HEATR5A: variants seen among roughly 807,000 people sequenced by gnomAD.
HEATR5A encodes the protein HEAT repeat containing 5A.
HEATR5A carries 178 observed loss-of-function variants against 218.8 expected under a neutral mutation model. That is an observed-to-expected ratio of 0.81 (90% CI 0.72 to 0.92). The LOEUF is 0.92. HEATR5A is among the 40% of genes least tolerant of loss of function. The pLI is 0.00. For synonymous variants in HEATR5A, 864 were observed against 871.6 expected, an observed-to-expected ratio of 0.99 and a Z score of 0.15; for missense variants, 2,420 against 2,418.9, an observed-to-expected ratio of 1.00 and a Z score of -0.01.
intron 1 of HEATR5A, among the ~76,000 whole-genome samples, chr14:31,407,032 A>G (rs1001929876): frequency 4.9e-4 from 74 of 150,706 alleles, no homozygotes; most frequent in African/African-American, 1.7e-3. Flanking sequence ...GCTCACGCCT[A>G]TAATCCCAGC....
At chr14:31,316,766 C>G (rs1427475604) in intron 26 of HEATR5A, among the ~76,000 whole-genome samples, 1 of 152,158 alleles carries the variant, frequency 6.6e-6, no homozygotes, top group Non-Finnish European at 1.5e-5. Flanking sequence ...CATTACAGCT[C>G]ATGTAGCCTT....
At chr14:31,343,131 G>A (rs1900893183) in intron 21 of HEATR5A, among the ~76,000 whole-genome samples, 1 of 142,808 alleles carries the variant, frequency 7.0e-6, no homozygotes, top group Non-Finnish European at 1.5e-5. Context: ...CACTCTTGTT[G>A]CCCAGGCTGG....
Position 31,347,847 on chromosome 14 carries a change from T to C in HEATR5A, c.2769A>G (p.Leu923=), listed in dbSNP as rs753369167. 9.2e-5 allele frequency: 147 copies of C among 1,593,282 alleles called. No individual in the cohort carries two copies. The highest frequency in any genetic ancestry group is 1.7e-4 in the Middle Eastern group (1 of 6,046). ...RTGHSLALGS[L]HRYLGGISSS... ...AACTTATTCCTCCTAAATACCTATG[T>C]AGGGACCCCAAGGCCAATGAGTGTC... The change falls in exon 19 of 36, where the codon CTA becomes CTG. Residue 923 remains leucine (L), a synonymous_variant. Transcript: ENST00000543095.
intron 33 of HEATR5A, chr14:31,296,769 A>G (rs1002767759): frequency 6.6e-6 from 1 of 152,218 alleles, no homozygotes; most frequent in African/African-American, 2.4e-5. Context: ...TGTTATTCAA[A>G]AAAGAAAGAT....
chr14:31,382,813 T>C (rs1415048037), intron 10 of HEATR5A, among the ~76,000 whole-genome samples: 1 of 150,346 alleles, frequency 6.7e-6, no homozygotes, highest in Non-Finnish European at 1.5e-5. Flanking sequence ...TCATTATTAA[T>C]TTTGATGTAT....
chr14:31,323,893 C>G, intron 23 of HEATR5A, 89 bp from the exon 24 acceptor site: 1 of 851,768 alleles, frequency 1.2e-6, no homozygotes, highest in Non-Finnish European at 1.8e-6. Flanking sequence ...ACTTCAAATT[C>G]AGACTAGAAT....
chr14:31,300,953 A>G (rs533834789), intron 33 of HEATR5A, among the ~76,000 whole-genome samples: 1 of 152,308 alleles, frequency 6.6e-6, no homozygotes, highest in South Asian at 2.1e-4. Flanking sequence ...ATGCAGCGAT[A>G]ATTAAGACAT....
In HEATR5A at chr14:31,314,033, C is replaced by T. The variant is rs537050846; in HGVS notation, c.4219-843G>A. 7.1e-4 allele frequency among the ~76,000 whole-genome samples: 108 copies of T among 152,044 alleles called. 1 individual carries two copies. The highest frequency in any genetic ancestry group is 3.4e-3 in the Middle Eastern group (1 of 294). On this transcript the variant is annotated intron_variant, in intron 27 of 35. Transcript: ENST00000543095. ...TGCCATCTCAGCTCACTGCAACCTC[C>T]GCCTCCCAGGTTCAAGCAATTCTCC...
rs1899072974 is a variant in HEATR5A, at chr14:31,293,218, C to T, written c.*87G>A. 9.9e-7 allele frequency: 1 copy of T among 1,007,584 alleles called. No individual in the cohort carries two copies. The highest frequency in any genetic ancestry group is 2.5e-5 in the Admixed American group (1 of 40,468). The allele number at this position is 1,007,584 out of a possible 1,614,324, so 62.4% of individuals were successfully genotyped here. ...AAACAATCAACTAGACCTCTAAGGG[C>T]ACTTGTGTCTACAATGTCCCTTTTG... On this transcript the variant is annotated 3_prime_UTR_variant, in exon 36 of 36. Coordinates refer to ENST00000543095, the MANE Select transcript of HEATR5A (RefSeq NM_015473.4).
chr14:31,389,942 A>G (rs1295830897), intron 6 of HEATR5A, among the ~76,000 whole-genome samples: 2 of 152,180 alleles, frequency 1.3e-5, no homozygotes, highest in Admixed American at 6.5e-5. Context: ...CCATGCAGAA[A>G]ACAGAGCAAA....
At chr14:31,402,029 T>G (rs925522003) in intron 2 of HEATR5A, among the ~76,000 whole-genome samples, 1 of 152,098 alleles carries the variant, frequency 6.6e-6, no homozygotes, top group Non-Finnish European at 1.5e-5. Context: ...TTTCCCCAAA[T>G]CTAGAAGTTG....
chr14:31,306,817 G>A lies in HEATR5A; in HGVS notation c.4881C>T (p.Ser1627=). ...CCACTTCAAGTGAAGCCAACTGAAT[G>A]GAAGGTGATTCTCTGGTTAAAATTA... is the stretch of plus-strand genomic sequence containing the variant. The part of the protein sequence containing the change: ...HRVILTRESP[S]IQLASLEVVR... The change falls in exon 31 of 36, where the codon TCC becomes TCT. Residue 1627 remains serine (S), a synonymous_variant. Transcript: ENST00000543095. 2 of 1,613,446 alleles carry A rather than the reference G, an allele frequency of 1.2e-6. No homozygotes were observed. Among genetic ancestry groups the A allele is most frequent in the Non-Finnish European group, 1.7e-6 (2 of 1,179,528 alleles).
At chr14:31,383,429 A>C in intron 10 of HEATR5A, 92 bp downstream of exon 10, 4 of 1,283,440 alleles carry the variant, frequency 3.1e-6, no homozygotes, top group Non-Finnish European at 1.1e-6. Context: ...TGTACAGCAA[A>C]ATAAAGCATT....
intron 9 of HEATR5A, among the ~76,000 whole-genome samples, chr14:31,385,272 G>A (rs1228102978): frequency 6.6e-6 from 1 of 152,078 alleles, no homozygotes; most frequent in Non-Finnish European, 1.5e-5. Context: ...ACTACTACAA[G>A]TGCACACCAC....
At chr14:31,352,969 T>TAAAAAC (rs761304104) in intron 16 of HEATR5A, among the ~76,000 whole-genome samples, 4 of 143,762 alleles carry the variant, frequency 2.8e-5, no homozygotes, top group Non-Finnish European at 3.0e-5. Flanking sequence ...AAATAAAAAA[T>TAAAAAC]AAAAATAAAA....
In HEATR5A at chr14:31,347,841, C is replaced by T. The variant is rs777151359; in HGVS notation, c.2775G>A (p.Arg925=). 3.0e-5 allele frequency: 48 copies of T among 1,595,972 alleles called. No individual in the cohort carries two copies. The highest frequency in any genetic ancestry group is 3.5e-5 in the Non-Finnish European group (41 of 1,170,292). The change falls in exon 19 of 36, where the codon AGG becomes AGA. Residue 925 remains arginine (R), a synonymous_variant. Coordinates refer to ENST00000543095, the MANE Select transcript of HEATR5A (RefSeq NM_015473.4). Reference sequence around the variant, plus strand: ...GAGAAGAACTTATTCCTCCTAAATACCTATGTAGGGACCCCAAGGCCAATG... The same window carrying T: ...GAGAAGAACTTATTCCTCCTAAATATCTATGTAGGGACCCCAAGGCCAATG... ...GHSLALGSLH[R]YLGGISSSQH... is the part of the protein sequence containing the mutation.
intron 21 of HEATR5A, 81 bp downstream of exon 21, chr14:31,343,815 A>T: frequency 8.7e-7 from 1 of 1,150,002 alleles, no homozygotes; most frequent in Non-Finnish European, 1.2e-6. Flanking sequence ...CATAGTCTAG[A>T]GTATAATTAA....
intron 33 of HEATR5A, among the ~76,000 whole-genome samples, chr14:31,301,254 TTTTG>T (rs1195989479): frequency 7.9e-5 from 12 of 152,166 alleles, no homozygotes; most frequent in Non-Finnish European, 1.2e-4. Context: ...AAACAAGTTT[TTTTG>T]TTTGTTTGTT....
chr14:31,350,708 T>G lies in HEATR5A; in HGVS notation c.2421A>C (p.Ile807=), dbSNP rs1329358768. Residue 807 remains isoleucine (I), a synonymous_variant, in exon 17 of 36, where the codon ATA becomes ATC. Transcript: ENST00000543095. ...AHVGETQRLL[I]LEQLLDSIKH... ...TTATACTGTCCAAAAGCTGTTCCAA[T>G]ATAAGAAGCCTACAATCAGAAATAA... 1 of 1,529,438 alleles carries G rather than the reference T, an allele frequency of 6.5e-7. No individual in the cohort carries two copies. Among genetic ancestry groups the G allele is most frequent in the East Asian group, 2.3e-5 (1 of 44,118 alleles). The allele number at this position is 1,529,438 out of a possible 1,614,324, so 94.7% of individuals were successfully genotyped here.
Sources: gnomAD v4.1 joint callset for allele counts (sites outside exome capture counted in the v4.1 genomes callset) on GRCh38, gnomAD v4.1.1 for gene constraint, MANE v1.5 for transcripts, NCBI Gene and HGNC (gene_info 2026-07-23, HGNC 2026-07-21) for gene names.